SPAG16: variants seen among roughly 807,000 people sequenced by gnomAD.
SPAG16 encodes sperm-associated antigen 16 protein.
A neutral mutation model predicts 80.4 loss-of-function variants in SPAG16; 86 were observed. The ratio of observed to expected loss-of-function variants is 1.07; its 90% CI spans 0.90 to 1.28. SPAG16 has a LOEUF of 1.28. SPAG16 is among the 50% of genes most tolerant of loss of function. SPAG16 has a pLI of 0.00. For synonymous variants in SPAG16, 294 were observed against 265.9 expected (o/e 1.11, Z -1.03); for missense variants, 870 against 765.3 (o/e 1.14, Z -1.61).
At chr2:214,108,131 CT>C in intron 13 of SPAG16, 64 bp from the exon 14 acceptor site, 1 of 1,270,774 alleles carries the variant, frequency 7.9e-7, no homozygotes. Flanking sequence ...TTAAAAGCAT[CT>C]TTGAATTCCT....
intron 9 of SPAG16, among the ~76,000 whole-genome samples, chr2:213,417,909 T>C (rs1260066251): frequency 1.3e-5 from 2 of 151,884 alleles, no homozygotes; most frequent in African/African-American, 4.8e-5. Context: ...TTTGCTCTTG[T>C]TGCCCAGGTT....
intron 15 of SPAG16, among the ~76,000 whole-genome samples, chr2:214,206,629 A>G (rs1264639045): frequency 1.3e-5 from 2 of 152,308 alleles, no homozygotes; most frequent in African/African-American, 4.8e-5. Flanking sequence ...TATTTTGGAC[A>G]TATACCCAGC....
At chr2:213,679,549 G>A (rs2064275725) in intron 10 of SPAG16, among the ~76,000 whole-genome samples, 1 of 152,126 alleles carries the variant, frequency 6.6e-6, no homozygotes, top group Non-Finnish European at 1.5e-5. Context: ...AAAACGTGGA[G>A]AAACTTTTTT....
intron 12 of SPAG16, among the ~76,000 whole-genome samples, chr2:213,964,957 G>T (rs2044633393): frequency 2.0e-5 from 3 of 152,086 alleles, no homozygotes; most frequent in Admixed American, 1.3e-4. Context: ...TGCAGTCTTT[G>T]GCTGATAAGT....
intron 10 of SPAG16, among the ~76,000 whole-genome samples, chr2:213,793,979 G>A (rs930725342): frequency 3.9e-5 from 6 of 152,036 alleles, no homozygotes; most frequent in South Asian, 2.1e-4. Flanking sequence ...ATTTAACCAC[G>A]TCTTTTGTTC....
At position 214,083,364 on chromosome 2, in the gene SPAG16, G is replaced by GT. The variant is rs1221657245; in HGVS notation, c.1528-24822dup. On this transcript the variant is annotated intron_variant, in intron 13 of 15. Coordinates refer to ENST00000331683, the MANE Select transcript of SPAG16 (RefSeq NM_024532.5). ...ATTCCTCTCCTGAGTTAAGGAGGCA[G>GT]TTTTTTTTTTCTTATTTACCAGGCC... is the stretch of plus-strand genomic sequence containing the variant. 8.8e-4 allele frequency among the ~76,000 whole-genome samples: 132 copies of GT among 149,614 alleles called. 1 individual carries two copies. Among genetic ancestry groups the GT allele is most frequent in the African/African-American group, 2.0e-3 (83 of 40,918 alleles).
chr2:213,387,128 A>G (rs2067468526), intron 9 of SPAG16, among the ~76,000 whole-genome samples: 1 of 152,050 alleles, frequency 6.6e-6, no homozygotes, highest in South Asian at 2.1e-4. Context: ...TTTGTTGTAG[A>G]AGGGAAAAAA....
At chr2:213,314,653 T>G (rs1004571480) in intron 4 of SPAG16, among the ~76,000 whole-genome samples, 20 of 151,938 alleles carry the variant, frequency 1.3e-4, no homozygotes, top group African/African-American at 4.6e-4. Context: ...GATTTGTGCT[T>G]CTTTTATCAC....
At chr2:214,186,029 G>A (rs1559113842) in intron 15 of SPAG16, among the ~76,000 whole-genome samples, 1 of 78,546 alleles carries the variant, frequency 1.3e-5, no homozygotes, top group African/African-American at 5.4e-5. Flanking sequence ...ACCCAGCACT[G>A]TACCAGGCAT....
chr2:213,465,975 A>G (rs569028509), intron 9 of SPAG16, among the ~76,000 whole-genome samples: 7 of 152,342 alleles, frequency 4.6e-5, no homozygotes, highest in Admixed American at 6.5e-5. Context: ...CCCACCCTCA[A>G]TCTGGGTGGG....
Position 213,498,580 on chromosome 2 carries a change from C to G in SPAG16, c.1070+8490C>G, listed in dbSNP as rs113323843. 7.9e-4 allele frequency among the ~76,000 whole-genome samples: 120 copies of G among 152,140 alleles called. 2 individuals are homozygous for G. Among genetic ancestry groups the G allele is most frequent in the Middle Eastern group, 3.4e-3 (1 of 294 alleles). ...AATTTTTAAACTCCTGACATTATCC[C>G]AAGCTGCAATGACTGTTAATTCAGA... On this transcript the variant is annotated intron_variant, in intron 10 of 15. Coordinates refer to ENST00000331683, the MANE Select transcript of SPAG16 (RefSeq NM_024532.5).
At chr2:213,318,864 T>G (rs1446452726) in intron 5 of SPAG16, among the ~76,000 whole-genome samples, 1 of 151,924 alleles carries the variant, frequency 6.6e-6, no homozygotes. Context: ...TAAATTTTCT[T>G]CTAACTTAAA....
At chr2:214,008,441 A>T (rs1206155515) in intron 12 of SPAG16, among the ~76,000 whole-genome samples, 1 of 143,006 alleles carries the variant, frequency 7.0e-6, no homozygotes, top group Non-Finnish European at 1.5e-5. Context: ...TGTAGCATTT[A>T]AAAAAAAAAA....
rs144257054 is a variant in SPAG16 at position 214,331,514 on chromosome 2, C to T, written c.1721-78626C>T. 3.6e-3 allele frequency among the ~76,000 whole-genome samples: 553 copies of T among 152,282 alleles called. 5 individuals carry two copies. The highest frequency in any genetic ancestry group is 0.013 in the African/African-American group (538 of 41,556). On this transcript the variant is annotated intron_variant, in intron 15 of 15. Transcript: ENST00000331683. ...AGACAGAAAGGAAAAATTCTGCAAT[C>T]GGGCCCTTGGGAAGTACGTAAAGCT...
At chr2:213,488,646 AAAAAATT>A (rs753129032) in intron 9 of SPAG16, among the ~76,000 whole-genome samples, 1 of 152,180 alleles carries the variant, frequency 6.6e-6, no homozygotes, top group East Asian at 1.9e-4. Context: ...GAAAGATGGA[AAAAAATT>A]AAGTAATTAA....
chr2:214,307,045 G>A (rs1694966013), intron 15 of SPAG16, among the ~76,000 whole-genome samples: 1 of 151,870 alleles, frequency 6.6e-6, no homozygotes, highest in South Asian at 2.1e-4. Flanking sequence ...GTTATTTATT[G>A]TTGCCTTGAT....
At chr2:213,669,368 T>A (rs1461919363) in intron 10 of SPAG16, among the ~76,000 whole-genome samples, 1 of 152,192 alleles carries the variant, frequency 6.6e-6, no homozygotes, top group African/African-American at 2.4e-5. Flanking sequence ...TTGGCTATAG[T>A]ATTCCCTCTA....
At chr2:213,368,698 A>G (rs573256354) in intron 8 of SPAG16, among the ~76,000 whole-genome samples, 3 of 152,360 alleles carry the variant, frequency 2.0e-5, no homozygotes, top group Non-Finnish European at 4.4e-5. Flanking sequence ...CCTTAAGCTG[A>G]TAAGCAACTT....
chr2:213,934,572 A>AGACT (rs1347167253), intron 12 of SPAG16, among the ~76,000 whole-genome samples: 1 of 152,218 alleles, frequency 6.6e-6, no homozygotes, highest in African/African-American at 2.4e-5. Flanking sequence ...ACTGTGGCAG[A>AGACT]GACTGTTAGC....
Sources: gnomAD v4.1 joint callset for allele counts (sites outside exome capture counted in the v4.1 genomes callset) on GRCh38, gnomAD v4.1.1 for gene constraint, MANE v1.5 for transcripts, NCBI Gene and HGNC (gene_info 2026-07-23, HGNC 2026-07-21) for gene names.